Variants in CCDC149 observed in about 807,000 individuals in gnomAD.
CCDC149 encodes coiled-coil domain containing 149.
In CCDC149, 45 loss-of-function variants were observed where a neutral mutation model predicts 59.9. The ratio of observed to expected loss-of-function variants is 0.75; its 90% CI spans 0.59 to 0.96. CCDC149 has a LOEUF of 0.96. CCDC149 is among the 40% of genes least tolerant of loss of function. The probability of loss-of-function intolerance (pLI) is 0.00; values close to 1 mark genes in which losing one functional copy is unlikely to be tolerated. For synonymous variants in CCDC149, 245 were observed against 260.6 expected (o/e 0.94, Z 0.58); for missense variants, 584 against 664.7 (o/e 0.88, Z 1.33).
At position 24,819,858 on chromosome 4, in the gene CCDC149, C is replaced by T. The variant is rs1040800673; in HGVS notation, c.1192+1G>A. 8 of 1,549,998 alleles carry T rather than the reference C, an allele frequency of 5.2e-6. No individual in the cohort carries two copies. Among genetic ancestry groups the T allele is most frequent in the Non-Finnish European group, 7.0e-6 (8 of 1,145,468 alleles). On this transcript the variant is annotated splice_donor_variant, in intron 12 of 12. Transcript: ENST00000635206. LOFTEE classifies it high-confidence loss of function. ...AGATGGAGAAATCGAGGCGTGCTTA[C>T]CATCCTTGGGATCTGCTTTGTTCTC...
At chr4:24,820,843 ACAG>A (rs909662042) in intron 11 of CCDC149, among the ~76,000 whole-genome samples, 1 of 152,236 alleles carries the variant, frequency 6.6e-6, no homozygotes, top group Non-Finnish European at 1.5e-5. Context: ...AAACAGGGCC[ACAG>A]CATAAAATTC....
chr4:24,938,244 G>A (rs964306275), intron 1 of CCDC149, among the ~76,000 whole-genome samples: 11 of 152,320 alleles, frequency 7.2e-5, no homozygotes, highest in Non-Finnish European at 1.0e-4. Flanking sequence ...GGAGTCTGAG[G>A]TTAGAAATCC....
At chr4:24,955,614 A>AAAAAAC (rs1014478808) in intron 1 of CCDC149, among the ~76,000 whole-genome samples, 1 of 152,214 alleles carries the variant, frequency 6.6e-6, no homozygotes. Context: ...AGCCAGTCAC[A>AAAAAAC]AAAAACAAAA....
intron 1 of CCDC149, among the ~76,000 whole-genome samples, chr4:24,900,014 C>T (rs562009196): frequency 6.6e-6 from 1 of 152,248 alleles, no homozygotes; most frequent in South Asian, 2.1e-4. Context: ...GAAATTCTGC[C>T]CAACCTTCCT....
At chr4:24,951,474 T>A (rs571836182) in intron 1 of CCDC149, among the ~76,000 whole-genome samples, 13 of 152,130 alleles carry the variant, frequency 8.5e-5, no homozygotes, top group Non-Finnish European at 1.3e-4. Flanking sequence ...AATTTTAAAG[T>A]CATATTAAAA....
intron 12 of CCDC149, among the ~76,000 whole-genome samples, chr4:24,813,512 AT>A (rs1577374303): frequency 2.8e-5 from 4 of 142,724 alleles, no homozygotes; most frequent in Non-Finnish European, 4.5e-5. Context: ...ATATATATAT[AT>A]ATATATATAT....
At chr4:24,861,046 C>T (rs910581139) in intron 3 of CCDC149, among the ~76,000 whole-genome samples, 10 of 152,134 alleles carry the variant, frequency 6.6e-5, no homozygotes, top group Non-Finnish European at 1.3e-4. Flanking sequence ...CTATGGAAAA[C>T]AGTATGGAGA....
chr4:24,869,217 GC>G (rs1183413945), intron 3 of CCDC149, among the ~76,000 whole-genome samples: 7 of 152,210 alleles, frequency 4.6e-5, no homozygotes, highest in Admixed American at 6.5e-5. Flanking sequence ...CCTGAAACAG[GC>G]CATTGGCCTG....
upstream of CCDC149, among the ~76,000 whole-genome samples, chr4:24,915,437 T>C (rs1005856687): frequency 1.3e-5 from 2 of 152,242 alleles, no homozygotes; most frequent in Non-Finnish European, 2.9e-5. Context: ...ACTGCTCCTT[T>C]GGCGCCCTCA....
At chr4:24,856,940 G>A (rs1005981499) in intron 3 of CCDC149, among the ~76,000 whole-genome samples, 10 of 152,220 alleles carry the variant, frequency 6.6e-5, no homozygotes, top group Non-Finnish European at 1.5e-4. Flanking sequence ...GCGCTTGCTC[G>A]GTCTGGGAGC....
intron 1 of CCDC149, among the ~76,000 whole-genome samples, chr4:24,897,460 G>A (rs1560244037): frequency 6.6e-6 from 1 of 152,158 alleles, no homozygotes; most frequent in Non-Finnish European, 1.5e-5. Flanking sequence ...CACAGTCAGA[G>A]TTTTGCTTCC....
chr4:24,888,459 G>A (rs1298095424), intron 1 of CCDC149, among the ~76,000 whole-genome samples: 2 of 152,138 alleles, frequency 1.3e-5, no homozygotes, highest in African/African-American at 4.8e-5. Flanking sequence ...ACATTTGTAT[G>A]TTGACCTCAT....
intron 8 of CCDC149, among the ~76,000 whole-genome samples, chr4:24,833,073 T>TG (rs144645460): frequency 6.6e-6 from 1 of 152,166 alleles, no homozygotes; most frequent in African/African-American, 2.4e-5. Flanking sequence ...ACCGAGTGGC[T>TG]GTTCTTCAAG....
At chr4:24,944,912 G>A (rs1303836576) in intron 1 of CCDC149, among the ~76,000 whole-genome samples, 2 of 152,140 alleles carry the variant, frequency 1.3e-5, no homozygotes, top group East Asian at 3.9e-4. Flanking sequence ...TCAGGTGCAG[G>A]TTCATTTCTG....
intron 1 of CCDC149, among the ~76,000 whole-genome samples, chr4:24,882,980 A>G (rs1719934608): frequency 6.6e-6 from 1 of 152,196 alleles, no homozygotes; most frequent in Non-Finnish European, 1.5e-5. Context: ...AAATGCAGTA[A>G]ATCTTCAAGC....
chr4:24,921,384 C>G (rs1722287885), intron 1 of CCDC149, among the ~76,000 whole-genome samples: 1 of 152,306 alleles, frequency 6.6e-6, no homozygotes, highest in Admixed American at 6.5e-5. Flanking sequence ...TGAATGAACC[C>G]TATATGTACT....
chr4:24,837,096 G>C lies in CCDC149; in HGVS notation c.662+132C>G, dbSNP rs147933483. On this transcript the variant is annotated intron_variant, in intron 6 of 12. Coordinates refer to ENST00000635206, the MANE Select transcript of CCDC149 (RefSeq NM_001330643.2). This position sits in a 1 kb window ranked among gnomAD's most constrained non-coding sequence, Gnocchi z 4.3. The stretch of plus-strand genomic sequence containing the variant: ...TACATGGCATTGATGTCATCATTTC[G>C]GGGGAGTGAGTTTCTTTTCACTTGT... 5 of 808,238 alleles carry C rather than the reference G, an allele frequency of 6.2e-6. No homozygotes were observed. The highest frequency in any genetic ancestry group is 5.7e-5 in the South Asian group (3 of 52,786). The allele number at this position is 808,238 out of a possible 1,614,324, so 50.1% of individuals were successfully genotyped here.
chr4:24,921,829 T>G (rs528860054), intron 1 of CCDC149, among the ~76,000 whole-genome samples: 5 of 152,318 alleles, frequency 3.3e-5, no homozygotes, highest in Non-Finnish European at 5.9e-5. Flanking sequence ...AGGGCTACAC[T>G]GCCTCCAAAA....
rs1042085804 is a variant in CCDC149, at chr4:24,814,253, T to C, written c.1193-5434A>G. On this transcript the variant is annotated intron_variant, in intron 12 of 12. Transcript: ENST00000635206. ...CTCACAATGAAATACATGAATGTAATAAAGCAAGCCTTGCTTTTTAAAAAA... is the reference window on the plus strand; with the variant it reads ...CTCACAATGAAATACATGAATGTAACAAAGCAAGCCTTGCTTTTTAAAAAA... Among the ~76,000 whole-genome samples, 3 of 152,224 alleles carry C rather than the reference T, an allele frequency of 2.0e-5. No homozygotes were observed. In the South Asian group the frequency reaches 6.2e-4, roughly 32 times the overall value.
Sources: gnomAD v4.1 joint callset for allele counts (sites outside exome capture counted in the v4.1 genomes callset) on GRCh38, gnomAD v4.1.1 for gene constraint, Gnocchi (gnomAD v3.1) non-coding constraint, MANE v1.5 for transcripts, NCBI Gene and HGNC (gene_info 2026-07-23, HGNC 2026-07-21) for gene names.